FABP12: variants seen among roughly 807,000 people sequenced by gnomAD.
FABP12 encodes the protein fatty acid binding protein 12, also known as fatty acid-binding protein 12.
In FABP12, 19 loss-of-function variants were observed where a neutral mutation model predicts 13.7. The ratio of observed to expected loss-of-function variants is 1.39; its 90% CI spans 0.97 to 2.04. The LOEUF is 2.04. Among genes scored for constraint, FABP12 ranks in the 30% most tolerant of loss-of-function variants. The pLI, the probability that FABP12 is intolerant of heterozygous loss-of-function variation, is 0.00. For synonymous variants in FABP12, 61 were observed against 57.0 expected (o/e 1.07, Z -0.32); for missense variants, 182 against 164.2 (o/e 1.11, Z -0.59).
intron 1 of FABP12, among the ~76,000 whole-genome samples, chr8:81,542,350 G>A (rs1809364758): frequency 6.6e-6 from 1 of 152,100 alleles, no homozygotes. Context: ...GGGTAACACT[G>A]GGCACTCACC....
intron 1 of FABP12, among the ~76,000 whole-genome samples, chr8:81,569,333 C>T (rs1284316569): frequency 2.0e-5 from 3 of 152,138 alleles, no homozygotes; most frequent in African/African-American, 7.2e-5. Flanking sequence ...CGCCATCAAA[C>T]CGGTTTTTCA....
intron 1 of FABP12, among the ~76,000 whole-genome samples, chr8:81,584,726 G>C (rs1585862112): frequency 6.6e-6 from 1 of 152,152 alleles, no homozygotes; most frequent in South Asian, 2.1e-4. Flanking sequence ...CCTCCGTACT[G>C]TTCTTCATAG....
At chr8:81,562,091 T>C (rs904979597) in intron 1 of FABP12, among the ~76,000 whole-genome samples, 1 of 152,150 alleles carries the variant, frequency 6.6e-6, no homozygotes, top group African/African-American at 2.4e-5. Context: ...GCAACTTGGA[T>C]ACCAGCTCAG....
At chr8:81,531,908 A>G (rs1295101442) in intron 1 of FABP12, among the ~76,000 whole-genome samples, 2 of 151,264 alleles carry the variant, frequency 1.3e-5, no homozygotes, top group African/African-American at 4.9e-5. Flanking sequence ...GGGACAGAGA[A>G]AAAAGAAAGG....
chr8:81,538,645 C>T (rs1809279871), upstream of FABP12, among the ~76,000 whole-genome samples: 1 of 152,108 alleles, frequency 6.6e-6, no homozygotes, highest in South Asian at 2.1e-4. Flanking sequence ...GAAAAAGATT[C>T]TCCCCCAGAG....
chr8:81,565,174 C>T (rs74911126), intron 1 of FABP12, among the ~76,000 whole-genome samples: 7,910 of 151,782 alleles, frequency 0.052, 246 homozygotes, highest in South Asian at 0.1. Flanking sequence ...ACTGAGACAC[C>T]CAGATATATA....
chr8:81,552,506 G>T (rs765536254), intron 1 of FABP12, among the ~76,000 whole-genome samples: 2 of 152,160 alleles, frequency 1.3e-5, no homozygotes, highest in Non-Finnish European at 2.9e-5. Context: ...CTACTGGATG[G>T]CAAGAGAGTT....
Position 81,583,200 on chromosome 8 carries a change from G to A in FABP12, c.-185+6853C>T, listed in dbSNP as rs549337145. 5.3e-4 allele frequency among the ~76,000 whole-genome samples: 80 copies of A among 152,094 alleles called. No homozygotes were observed. In the South Asian group the frequency reaches 8.1e-3, roughly 15 times the overall value. The stretch of plus-strand genomic sequence containing the variant: ...TCAAAACCTATGAGATACAACAAAA[G>A]CAGTGACAAGAGGGAAGTTTATAAT... On this transcript the variant is annotated intron_variant, in intron 1 of 5. Coordinates refer to the FABP12 transcript ENST00000692030.
intron 1 of FABP12, among the ~76,000 whole-genome samples, chr8:81,578,823 G>GTTTCTGTTTTTTT (rs71268012): frequency 9.5e-6 from 1 of 105,668 alleles, no homozygotes. Flanking sequence ...ATTTGTTCAA[G>GTTTCTGTTTTTTT]TTTTTTTTTT....
intron 1 of FABP12, among the ~76,000 whole-genome samples, chr8:81,550,549 CT>C (rs1395122709): frequency 6.6e-6 from 1 of 152,166 alleles, no homozygotes; most frequent in African/African-American, 2.4e-5. Flanking sequence ...ATGTTCGAAT[CT>C]CTACTAAGAA....
chr8:81,579,744 T>G (rs943414655), intron 1 of FABP12, among the ~76,000 whole-genome samples: 6 of 152,234 alleles, frequency 3.9e-5, no homozygotes, highest in African/African-American at 1.4e-4. Flanking sequence ...AATAAATGTT[T>G]TGAAGGGAAG....
intron 1 of FABP12, among the ~76,000 whole-genome samples, chr8:81,571,695 T>C (rs887993810): frequency 1.3e-5 from 2 of 152,240 alleles, no homozygotes; most frequent in East Asian, 3.9e-4. Context: ...TCATCAATGT[T>C]TTCCTGTGCT....
At chr8:81,559,435 C>T (rs559795480) in intron 1 of FABP12, among the ~76,000 whole-genome samples, 155 of 152,286 alleles carry the variant, frequency 1.0e-3, no homozygotes, top group African/African-American at 3.7e-3. Context: ...CTAGATCTTA[C>T]GTTCTTTTCA....
intron 1 of FABP12, among the ~76,000 whole-genome samples, chr8:81,545,441 G>T (rs1275044892): frequency 1.3e-5 from 2 of 152,204 alleles, no homozygotes; most frequent in African/African-American, 2.4e-5. Flanking sequence ...CAATTAATGA[G>T]TGTTTTTAAA....
chr8:81,536,704 G>C (rs962232900), upstream of FABP12, among the ~76,000 whole-genome samples: 4 of 152,206 alleles, frequency 2.6e-5, no homozygotes, highest in Admixed American at 2.6e-4. Flanking sequence ...TTCCCTGTGG[G>C]TATCTAGCAA....
intron 1 of FABP12, among the ~76,000 whole-genome samples, chr8:81,572,997 G>A (rs764222267): frequency 4.6e-5 from 7 of 151,708 alleles, no homozygotes; most frequent in Non-Finnish European, 8.8e-5. Flanking sequence ...ATTTGCTTTT[G>A]TGTTCTTGGT....
exon 3 of FABP12, chr8:81,529,585 C>T (rs1465598226): frequency 2.5e-6 from 4 of 1,613,640 alleles, no homozygotes; most frequent in Non-Finnish European, 1.7e-6. Flanking sequence ...CCAAACGGCC[C>T]AGTTTCCTGC....
At chr8:81,578,210 G>T (rs1249979221) in intron 1 of FABP12, among the ~76,000 whole-genome samples, 2 of 152,146 alleles carry the variant, frequency 1.3e-5, no homozygotes, top group Non-Finnish European at 2.9e-5. Flanking sequence ...TGTTTTATGA[G>T]CTTCTGCCTA....
At chr8:81,549,621 C>T (rs1012111136) in intron 1 of FABP12, among the ~76,000 whole-genome samples, 3 of 152,082 alleles carry the variant, frequency 2.0e-5, no homozygotes, top group Non-Finnish European at 2.9e-5. Flanking sequence ...ACTAAGGAAC[C>T]ACTAAGATAT....
Sources: allele counts gnomAD v4.1 joint callset (sites outside exome capture counted in the v4.1 genomes callset), GRCh38; gene constraint gnomAD v4.1.1; transcripts MANE v1.5; gene names NCBI Gene and HGNC (gene_info 2026-07-23, HGNC 2026-07-21).